The following CDK14 variants were observed in gnomAD, a reference collection of about 807,000 sequenced individuals.
The protein encoded by CDK14 is cyclin dependent kinase 14, also known as cyclin-dependent kinase 14.
A neutral mutation model predicts 60.7 loss-of-function variants in CDK14; 34 were observed. The observed-to-expected ratio is 0.56, with a 90% confidence interval of 0.43 to 0.75. CDK14 has a LOEUF of 0.75. CDK14 is among the 30% of genes least tolerant of loss of function. CDK14 has a pLI of 0.00. For missense variants in CDK14, 482 were observed against 564.1 expected, an observed-to-expected ratio of 0.85 and a Z score of 1.47; for synonymous variants, 197 against 203.7, an observed-to-expected ratio of 0.97 and a Z score of 0.28.
intron 13 of CDK14, 77 bp from the exon 14 acceptor site, chr7:91,117,988 C>G: frequency 1.3e-6 from 1 of 795,126 alleles, no homozygotes; most frequent in Non-Finnish European, 2.0e-6. Context: ...GCATCTCAGT[C>G]TCCATTTTTT....
chr7:90,637,257 C>T (rs1800175977), intron 2 of CDK14, among the ~76,000 whole-genome samples: 2 of 151,258 alleles, frequency 1.3e-5, no homozygotes, highest in South Asian at 4.2e-4. Flanking sequence ...TTCCTGCTTT[C>T]TCTTGTGGGC....
intron 14 of CDK14, among the ~76,000 whole-genome samples, chr7:91,201,324 A>G: frequency 6.6e-6 from 1 of 152,316 alleles, no homozygotes; most frequent in East Asian, 1.9e-4. Flanking sequence ...AGTCTCCTAA[A>G]TAGAAATGAG....
intron 2 of CDK14, among the ~76,000 whole-genome samples, chr7:90,637,875 T>G (rs1231601813): frequency 1.3e-5 from 2 of 150,630 alleles, no homozygotes; most frequent in Non-Finnish European, 2.9e-5. Context: ...ATTGATCCGT[T>G]TACCATTATG....
intron 4 of CDK14, among the ~76,000 whole-genome samples, chr7:90,758,613 CT>C (rs1451934044): frequency 2.0e-5 from 3 of 151,958 alleles, no homozygotes; most frequent in African/African-American, 2.4e-5. Context: ...ATAATTATGC[CT>C]TTTTTATGCT....
In CDK14 at chr7:91,107,353, C is replaced by T. The variant is rs922785782; in HGVS notation, c.1155-5189C>T. The T allele has an allele frequency of 7.2e-5, 11 of 152,296 alleles. 1 individual carries two copies. Among genetic ancestry groups the T allele is most frequent in the African/African-American group, 2.6e-4 (11 of 41,556 alleles). The allele number at this position is 152,296 out of a possible 1,614,324, so 9.4% of individuals were successfully genotyped here. On this transcript the variant is annotated intron_variant, in intron 12 of 14. Transcript: ENST00000380050. ...AGGTCAGGTCATGTGAAGTCACACA[C>T]AGGACATTCTAGTCAGTATGACCTT... is the stretch of plus-strand genomic sequence containing the variant.
chr7:90,606,483 T>C (rs1012896340), intron 2 of CDK14, among the ~76,000 whole-genome samples: 2 of 152,114 alleles, frequency 1.3e-5, no homozygotes, highest in African/African-American at 4.8e-5. Context: ...ACCATCATCA[T>C]CGTCATTGAT....
chr7:90,660,873 T>C (rs981035596), intron 2 of CDK14, among the ~76,000 whole-genome samples: 2 of 152,198 alleles, frequency 1.3e-5, no homozygotes, highest in African/African-American at 4.8e-5. Context: ...TGGAAATGCA[T>C]ACACTGACCA....
At chr7:90,685,068 C>G (rs1181475446) in intron 2 of CDK14, among the ~76,000 whole-genome samples, 1 of 150,646 alleles carries the variant, frequency 6.6e-6, no homozygotes, top group Non-Finnish European at 1.5e-5. Flanking sequence ...TTTCACCATT[C>G]TAATATGAGA....
intron 2 of CDK14, among the ~76,000 whole-genome samples, chr7:90,685,645 A>G (rs1340766420): frequency 8.4e-6 from 1 of 118,982 alleles, no homozygotes; most frequent in Non-Finnish European, 1.6e-5. Context: ...TGCCCAGCCA[A>G]TTAATTTTTT....
intron 12 of CDK14, among the ~76,000 whole-genome samples, chr7:91,086,034 G>C: frequency 6.6e-6 from 1 of 152,158 alleles, no homozygotes; most frequent in East Asian, 1.9e-4. Context: ...GGCCACATGT[G>C]GTTGGTTGCT....
intron 14 of CDK14, among the ~76,000 whole-genome samples, chr7:91,168,622 A>T (rs1159594343): frequency 3.9e-5 from 6 of 152,238 alleles, no homozygotes; most frequent in Admixed American, 2.6e-4. Flanking sequence ...AAAGGAGCAG[A>T]TGTTTTCTAT....
At chr7:91,113,513 G>T (rs559848335) in intron 13 of CDK14, among the ~76,000 whole-genome samples, 1 of 152,080 alleles carries the variant, frequency 6.6e-6, no homozygotes. Flanking sequence ...AACTATTGCC[G>T]TCAGAATATT....
chr7:90,887,199 T>A (rs1235780310), intron 6 of CDK14, among the ~76,000 whole-genome samples: 1 of 152,206 alleles, frequency 6.6e-6, no homozygotes, highest in Admixed American at 6.5e-5. Flanking sequence ...CATTTTCTCA[T>A]GTTTCAGAGC....
intron 5 of CDK14, among the ~76,000 whole-genome samples, chr7:90,826,982 T>A (rs1290236032): frequency 6.6e-6 from 1 of 151,914 alleles, no homozygotes; most frequent in Non-Finnish European, 1.5e-5. Flanking sequence ...TATCTACATG[T>A]AGATATTACA....
chr7:90,604,431 G>A (rs1188463774), intron 2 of CDK14, among the ~76,000 whole-genome samples, 182 bp downstream of exon 2: 1 of 152,202 alleles, frequency 6.6e-6, no homozygotes, highest in East Asian at 1.9e-4. Flanking sequence ...AGTTTTGGTA[G>A]CAAGTAACAG....
chr7:90,861,071 G>A (rs959962843), intron 5 of CDK14, among the ~76,000 whole-genome samples: 6 of 152,140 alleles, frequency 3.9e-5, no homozygotes, highest in Non-Finnish European at 7.3e-5. Context: ...TTGAGGAAGA[G>A]CTACTAGGTG....
chr7:91,162,259 CTTAG>C (rs1801190419), intron 14 of CDK14, among the ~76,000 whole-genome samples: 1 of 152,124 alleles, frequency 6.6e-6, no homozygotes. Flanking sequence ...TTCAGATATT[CTTAG>C]TAATCATTTA....
intron 5 of CDK14, among the ~76,000 whole-genome samples, chr7:90,815,351 A>G (rs1375983360): frequency 6.6e-6 from 1 of 152,254 alleles, no homozygotes; most frequent in African/African-American, 2.4e-5. Flanking sequence ...ATAAATGTAA[A>G]TCAAAACCAC....
intron 12 of CDK14, among the ~76,000 whole-genome samples, chr7:91,093,063 A>G (rs1362511790): frequency 6.6e-6 from 1 of 152,220 alleles, no homozygotes; most frequent in Non-Finnish European, 1.5e-5. Flanking sequence ...AGCACCTGCC[A>G]TGTAAGACTT....
Sources: allele counts gnomAD v4.1 joint callset (sites outside exome capture counted in the v4.1 genomes callset), GRCh38; gene constraint gnomAD v4.1.1; transcripts MANE v1.5; gene names NCBI Gene and HGNC (gene_info 2026-07-23, HGNC 2026-07-21).